Variants in TENM2 observed in about 807,000 individuals in gnomAD.
The protein encoded by TENM2 is teneurin-2.
TENM2 carries 52 observed loss-of-function variants against 245.2 expected under a neutral mutation model. That is an observed-to-expected ratio of 0.21 (90% CI 0.17 to 0.27). TENM2 has a LOEUF of 0.27. Among genes scored for constraint, TENM2 ranks in the 10% least tolerant of loss-of-function variants. The pLI is 1.00. For missense variants in TENM2, 3,046 were observed against 3,666.8 expected (o/e 0.83, Z 4.37); for synonymous variants, 1,363 against 1,438.9 (o/e 0.95, Z 1.19).
At chr5:167,484,367 T>C (rs982876301) in intron 2 of TENM2, among the ~76,000 whole-genome samples, 4 of 152,086 alleles carry the variant, frequency 2.6e-5, no homozygotes, top group African/African-American at 9.7e-5. Context: ...ATCTCACTGA[T>C]GTCTTTATAA....
intron 6 of TENM2, among the ~76,000 whole-genome samples, chr5:168,054,423 A>G (rs1203745566): frequency 6.6e-6 from 1 of 152,238 alleles, no homozygotes; most frequent in Non-Finnish European, 1.5e-5. Flanking sequence ...TTCCCAAATA[A>G]ATGGAAACGA....
chr5:168,117,408 T>C (rs1795159516), intron 9 of TENM2, among the ~76,000 whole-genome samples: 1 of 152,212 alleles, frequency 6.6e-6, no homozygotes, highest in South Asian at 2.1e-4. Context: ...TGTGTGTACC[T>C]GAAACCACAA....
chr5:167,061,138 C>A, the TENM2 span, among the ~76,000 whole-genome samples: 1 of 152,078 alleles, frequency 6.6e-6, no homozygotes, highest in African/African-American at 2.4e-5. Context: ...ACGCACCCCC[C>A]ACACACGCAC....
chr5:167,481,712 T>C (rs1052244789), intron 2 of TENM2, among the ~76,000 whole-genome samples: 3 of 152,326 alleles, frequency 2.0e-5, no homozygotes, highest in Middle Eastern at 6.8e-3. Context: ...TTACAATAAA[T>C]GCCGGTGATA....
chr5:167,062,384 T>C, the TENM2 span, among the ~76,000 whole-genome samples: 1 of 151,314 alleles, frequency 6.6e-6, no homozygotes, highest in Non-Finnish European at 1.5e-5. Flanking sequence ...AGTTCAAGCA[T>C]AAAAATCCCA....
chr5:167,237,605 A>G, the TENM2 span, among the ~76,000 whole-genome samples: 1 of 152,226 alleles, frequency 6.6e-6, no homozygotes, highest in South Asian at 2.1e-4. Flanking sequence ...TTGTCTGATA[A>G]TCTTCCATTT....
In TENM2 at chr5:167,741,507, C is replaced by G. The variant is rs532605537; in HGVS notation, c.503-134479C>G. ...CTCTGAAAAGGGGCAATGTCTGCAG[C>G]AAGTCTGCCTTGGCTTCACACACAG... On this transcript the variant is annotated intron_variant, in intron 2 of 28. Coordinates refer to ENST00000518659, the Ensembl canonical transcript of TENM2. Among the ~76,000 whole-genome samples, 4 of 152,276 alleles carry G rather than the reference C, an allele frequency of 2.6e-5. No homozygotes were observed. The East Asian group carries it at 7.7e-4, about 29-fold the overall frequency.
At chr5:167,912,970 C>CAAGA (rs1177778549) in intron 3 of TENM2, among the ~76,000 whole-genome samples, 1 of 151,998 alleles carries the variant, frequency 6.6e-6, no homozygotes, top group African/African-American at 2.4e-5. Context: ...AGCCAAGCAG[C>CAAGA]AAGAAAGGTT....
the TENM2 span, among the ~76,000 whole-genome samples, chr5:167,028,090 A>AAAAG: frequency 6.6e-6 from 1 of 151,292 alleles, no homozygotes; most frequent in African/African-American, 2.4e-5. Flanking sequence ...AAAAAAAAAA[A>AAAAG]AGTTACGTAG....
intron 2 of TENM2, among the ~76,000 whole-genome samples, chr5:167,809,234 T>G (rs1766453125): frequency 6.6e-6 from 1 of 152,190 alleles, no homozygotes; most frequent in African/African-American, 2.4e-5. Context: ...AAAATTCTTT[T>G]TCATGCCCCT....
intron 2 of TENM2, among the ~76,000 whole-genome samples, chr5:167,769,843 C>G (rs1260570954): frequency 1.3e-5 from 2 of 152,142 alleles, no homozygotes; most frequent in African/African-American, 4.8e-5. Flanking sequence ...AAGACAATGG[C>G]CAGTGAACCC....
intron 3 of TENM2, among the ~76,000 whole-genome samples, chr5:167,946,596 T>G: frequency 6.6e-6 from 1 of 152,206 alleles, no homozygotes; most frequent in East Asian, 1.9e-4. Flanking sequence ...CCTCTGTATT[T>G]GCTAGGCATA....
chr5:167,582,977 T>C (rs532437061), intron 2 of TENM2, among the ~76,000 whole-genome samples: 2 of 152,360 alleles, frequency 1.3e-5, no homozygotes, highest in East Asian at 1.9e-4. Context: ...ATTTATTTTA[T>C]ATATTAAGCT....
intron 2 of TENM2, among the ~76,000 whole-genome samples, chr5:167,627,785 G>A (rs976340566): frequency 6.6e-6 from 1 of 152,016 alleles, no homozygotes; most frequent in African/African-American, 2.4e-5. Context: ...TCGAACTCCT[G>A]GCCTCCAGTC....
At chr5:168,195,153 A>ACCTCTGT (rs1761300622) in intron 14 of TENM2, 23 bp from the exon 17 acceptor site, 1 of 1,571,290 alleles carries the variant, frequency 6.4e-7, no homozygotes, top group African/African-American at 1.3e-5. Context: ...TGGCTCAAAG[A>ACCTCTGT]CCTCTGTTTC....
chr5:167,092,596 T>C, the TENM2 span, among the ~76,000 whole-genome samples: 1 of 152,184 alleles, frequency 6.6e-6, no homozygotes, highest in African/African-American at 2.4e-5. Context: ...ATTTTCGCCC[T>C]ATGATGCAGG....
At chr5:167,458,316 G>A (rs1224556739) in intron 2 of TENM2, among the ~76,000 whole-genome samples, 1 of 145,316 alleles carries the variant, frequency 6.9e-6, no homozygotes, top group East Asian at 1.9e-4. Flanking sequence ...GTGAAACCCT[G>A]TCTCTACTAA....
chr5:167,096,054 G>A, the TENM2 span, among the ~76,000 whole-genome samples: 1 of 152,166 alleles, frequency 6.6e-6, no homozygotes, highest in African/African-American at 2.4e-5. Context: ...TTACAGGCAT[G>A]AGCCACCACG....
rs554440475 is a variant in TENM2 at position 167,735,688 on chromosome 5, C to G, written c.503-140298C>G. On this transcript the variant is annotated intron_variant, in intron 2 of 28. Transcript: ENST00000518659. ...GGGCATGTTGGTGCACACCTGTGGTCCTAGCTACTCAGGAGGCTGAGGTTG... is the reference window on the plus strand; with the variant it reads ...GGGCATGTTGGTGCACACCTGTGGTGCTAGCTACTCAGGAGGCTGAGGTTG... 3.3e-5 allele frequency among the ~76,000 whole-genome samples: 5 copies of G among 152,122 alleles called. No individual in the cohort carries two copies. In the East Asian group the frequency reaches 9.6e-4, roughly 29 times the overall value.
Sources: allele counts gnomAD v4.1 joint callset (sites outside exome capture counted in the v4.1 genomes callset), GRCh38; gene constraint gnomAD v4.1.1; transcripts MANE v1.5; gene names NCBI Gene and HGNC (gene_info 2026-07-23, HGNC 2026-07-21).